MAP3K8: variants seen among roughly 807,000 people sequenced by gnomAD.
The protein encoded by MAP3K8 is mitogen-activated protein kinase kinase kinase 8, also known as Ewing sarcoma transformant.
A neutral mutation model predicts 45.8 loss-of-function variants in MAP3K8; 22 were observed. The observed-to-expected ratio is 0.48, with a 90% CI of 0.34 to 0.69. The LOEUF is 0.69. Ranked by LOEUF, MAP3K8 falls within the 30% of genes least tolerant of loss-of-function variation. The pLI, the probability that MAP3K8 is intolerant of heterozygous loss-of-function variation, is 0.01. For missense variants in MAP3K8, 419 were observed against 585.0 expected, an observed-to-expected ratio of 0.72 and a Z score of 2.93; for synonymous variants, 223 against 214.3, an observed-to-expected ratio of 1.04 and a Z score of -0.36.
chr10:30,458,265 C>A, intron 7 of MAP3K8, 29 bp downstream of exon 7: 5 of 405,654 alleles, frequency 1.2e-5, no homozygotes, highest in South Asian at 4.2e-5. Flanking sequence ...GGGCTGGGGG[C>A]GGCGGGGGGG....
intron 1 of MAP3K8, among the ~76,000 whole-genome samples, chr10:30,436,143 G>C (rs184053354): frequency 1.2e-3 from 183 of 152,268 alleles, no homozygotes; most frequent in African/African-American, 4.0e-3. Flanking sequence ...AATTTTATGA[G>C]GACTTTTATT....
intron 4 of MAP3K8, among the ~76,000 whole-genome samples, chr10:30,448,421 T>TTATTATTATTAC (rs1836419970): frequency 6.8e-6 from 1 of 147,962 alleles, no homozygotes; most frequent in Non-Finnish European, 1.5e-5. Flanking sequence ...AAATTTATTA[T>TTATTATTATTAC]TATTATTATT....
intron 6 of MAP3K8, among the ~76,000 whole-genome samples, chr10:30,455,827 A>G (rs1836712127): frequency 6.6e-6 from 1 of 152,214 alleles, no homozygotes; most frequent in Non-Finnish European, 1.5e-5. Context: ...TGGTCCCACC[A>G]GGGCTGTTTC....
At chr10:30,452,808 T>G (rs1474581842) in intron 6 of MAP3K8, among the ~76,000 whole-genome samples, 2 of 151,812 alleles carry the variant, frequency 1.3e-5, no homozygotes, top group African/African-American at 4.8e-5. Context: ...CCTGAGTAGT[T>G]GAGATTACAG....
intron 8 of MAP3K8, 96 bp from the exon 9 acceptor site, chr10:30,460,610 A>T: frequency 3.0e-6 from 3 of 985,334 alleles, no homozygotes; most frequent in Non-Finnish European, 4.4e-6. Flanking sequence ...ACACTGTTTT[A>T]TTAGGCCCCA....
In MAP3K8 at chr10:30,460,593, G is replaced by C. The variant is rs188358374; in HGVS notation, c.1274-113G>C. The C allele has an allele frequency of 1.5e-4, 125 of 826,420 alleles. 2 individuals carry two copies. Among genetic ancestry groups the C allele is most frequent in the South Asian group, 1.2e-3 (69 of 55,274 alleles). The allele number at this position is 826,420 out of a possible 1,614,324, so 51.2% of individuals were successfully genotyped here. On this transcript the variant is annotated intron_variant, in intron 8 of 8. Coordinates refer to ENST00000263056, the MANE Select transcript of MAP3K8 (RefSeq NM_005204.4). ...TAGTGTTCAAAGACCCATCTTTCAC[G>C]CTTAAGACACTGTTTTATTAGGCCC...
chr10:30,441,673 C>T (rs760457390), intron 3 of MAP3K8, among the ~76,000 whole-genome samples: 19 of 152,096 alleles, frequency 1.2e-4, no homozygotes, highest in Non-Finnish European at 2.1e-4. Context: ...TGGGGGGCTG[C>T]GGTTGACTTT....
intron 5 of MAP3K8, among the ~76,000 whole-genome samples, chr10:30,450,851 G>A (rs303427): frequency 0.5 from 76,143 of 151,364 alleles, 21,930 homozygotes; most frequent in Non-Finnish European, 0.65. Flanking sequence ...GGATGCTGTG[G>A]CAAGTTGATC....
At chr10:30,451,928 A>AT (rs1274770602) in intron 6 of MAP3K8, among the ~76,000 whole-genome samples, 184 bp downstream of exon 6, 1 of 152,112 alleles carries the variant, frequency 6.6e-6, no homozygotes, top group African/African-American at 2.4e-5. Context: ...TTAGCACTTG[A>AT]TTTTTTATTG....
intron 7 of MAP3K8, among the ~76,000 whole-genome samples, chr10:30,459,023 G>A (rs913680636): frequency 6.6e-6 from 1 of 152,182 alleles, no homozygotes; most frequent in Admixed American, 6.5e-5. Flanking sequence ...GCTACGGTGA[G>A]TTGTGTTGGT....
At chr10:30,457,744 C>T (rs1363600504) in intron 6 of MAP3K8, among the ~76,000 whole-genome samples, 1 of 152,154 alleles carries the variant, frequency 6.6e-6, no homozygotes, top group Non-Finnish European at 1.5e-5. Flanking sequence ...CTTCCGAGCT[C>T]AAGCGATTCT....
chr10:30,447,200 A>G (rs781524724), intron 3 of MAP3K8, among the ~76,000 whole-genome samples: 42 of 152,238 alleles, frequency 2.8e-4, no homozygotes, highest in Non-Finnish European at 3.8e-4. Context: ...TTTGCAAGCA[A>G]TAGATAACAA....
At position 30,459,462 on chromosome 10, in the gene MAP3K8, C is replaced by A. The variant is rs1414235756; in HGVS notation, c.1234C>A (p.Leu412Met). The A allele has an allele frequency of 3.7e-6, 6 of 1,613,988 alleles. No individual in the cohort carries two copies. Among genetic ancestry groups the A allele is most frequent in the Non-Finnish European group, 5.1e-6 (6 of 1,180,032 alleles). The change falls in exon 8 of 9, where the codon CTG becomes ATG. Residue 412 changes from leucine to methionine, a missense_variant. Physicochemically the swap from Leu to Met is conservative, Grantham distance 15. Coordinates refer to ENST00000263056, the MANE Select transcript of MAP3K8 (RefSeq NM_005204.4). ...TGCCCTCTTGGAGCGCAAGAGGCTG[C>A]TGAGTAGGAAGGAGCTGGAACTTCC... ...DSALLERKRL[L>M]SRKELELPEN...
At chr10:30,458,275 G>GGGC in intron 7 of MAP3K8, 39 bp downstream of exon 7, 1 of 1,356,008 alleles carries the variant, frequency 7.4e-7, no homozygotes, top group African/African-American at 1.5e-5. Flanking sequence ...CGGCGGGGGG[G>GGGC]GGCGTTGAGT....
At chr10:30,453,948 GA>G (rs1836643388) in intron 6 of MAP3K8, among the ~76,000 whole-genome samples, 6 of 148,992 alleles carry the variant, frequency 4.0e-5, no homozygotes, top group African/African-American at 9.9e-5. Flanking sequence ...AGGAAGGAAG[GA>G]AGGAAGGAGA....
At chr10:30,434,610 C>G in intron 1 of MAP3K8, 1 of 985,894 alleles carries the variant, frequency 1.0e-6, no homozygotes, top group Non-Finnish European at 1.2e-6. Flanking sequence ...GACTCCTCCC[C>G]CTTCCTCCTC....
At chr10:30,459,825 G>A (rs529003615) in intron 8 of MAP3K8, among the ~76,000 whole-genome samples, 1 of 151,948 alleles carries the variant, frequency 6.6e-6, no homozygotes, top group Non-Finnish European at 1.5e-5. Context: ...CTTTGCAGTT[G>A]GTTCTTCTTA....
intron 3 of MAP3K8, among the ~76,000 whole-genome samples, chr10:30,446,162 G>A (rs1836324980): frequency 6.6e-6 from 1 of 152,116 alleles, no homozygotes; most frequent in African/African-American, 2.4e-5. Flanking sequence ...CAAAGTGCTG[G>A]GATTATAGGC....
At chr10:30,442,838 T>C (rs1481561636) in intron 3 of MAP3K8, among the ~76,000 whole-genome samples, 1 of 152,110 alleles carries the variant, frequency 6.6e-6, no homozygotes, top group African/African-American at 2.4e-5. Flanking sequence ...AGTCATGGAG[T>C]CATGGCTTCT....
Sources: gnomAD v4.1 joint callset for allele counts (sites outside exome capture counted in the v4.1 genomes callset) on GRCh38, gnomAD v4.1.1 for gene constraint, MANE v1.5 for transcripts, NCBI Gene and HGNC (gene_info 2026-07-23, HGNC 2026-07-21) for gene names.